The following XRCC4 variants were observed in gnomAD, a reference collection of about 807,000 sequenced individuals.
XRCC4 encodes X-ray repair cross complementing 4.
XRCC4 carries 28 observed loss-of-function variants against 39.1 expected under a neutral mutation model. That is an observed-to-expected ratio of 0.72 (90% CI 0.53 to 0.98). The LOEUF (loss-of-function observed/expected upper bound fraction) is 0.98. Ranked by LOEUF, XRCC4 falls within the 50% of genes least tolerant of loss-of-function variation. The pLI is 0.00. For synonymous variants in XRCC4, 123 were observed against 126.4 expected, an observed-to-expected ratio of 0.97 and a Z score of 0.18; for missense variants, 350 against 376.4, an observed-to-expected ratio of 0.93 and a Z score of 0.58.
At chr5:83,333,744 ATACTC>A (rs979567827) in intron 7 of XRCC4, among the ~76,000 whole-genome samples, 7 of 152,104 alleles carry the variant, frequency 4.6e-5, no homozygotes, top group Admixed American at 1.3e-4. Context: ...ATTTTACTAA[ATACTC>A]TATTCCTCCA....
intron 6 of XRCC4, among the ~76,000 whole-genome samples, chr5:83,226,710 A>G (rs987099172): frequency 6.6e-6 from 1 of 152,106 alleles, no homozygotes; most frequent in South Asian, 2.1e-4. Context: ...AGCTTTTTCT[A>G]TTCATTAAAT....
chr5:83,256,030 A>G (rs1470113608), intron 6 of XRCC4, among the ~76,000 whole-genome samples: 1 of 152,196 alleles, frequency 6.6e-6, no homozygotes, highest in Non-Finnish European at 1.5e-5. Context: ...CCCATATGTA[A>G]TATTCATCAA....
chr5:83,085,974 T>C (rs1047932350), intron 1 of XRCC4, among the ~76,000 whole-genome samples: 3 of 152,234 alleles, frequency 2.0e-5, no homozygotes, highest in African/African-American at 7.2e-5. Context: ...CACACAATCT[T>C]ACATTGTTTT....
intron 7 of XRCC4, among the ~76,000 whole-genome samples, chr5:83,286,937 G>A (rs1754755102): frequency 6.6e-6 from 1 of 152,052 alleles, no homozygotes; most frequent in Non-Finnish European, 1.5e-5. Flanking sequence ...AGAGTTGACG[G>A]TATCTGGTGA....
chr5:83,098,543 GT>G (rs1745782484), intron 1 of XRCC4, among the ~76,000 whole-genome samples: 1 of 151,908 alleles, frequency 6.6e-6, no homozygotes, highest in Non-Finnish European at 1.5e-5. Flanking sequence ...TACACTTAAT[GT>G]TTAGAAAAAA....
At chr5:83,087,469 C>T (rs1375523714) in intron 1 of XRCC4, among the ~76,000 whole-genome samples, 1 of 151,920 alleles carries the variant, frequency 6.6e-6, no homozygotes, top group East Asian at 1.9e-4. Flanking sequence ...TTGAGACCAG[C>T]ATGGCCAACA....
At chr5:83,137,582 A>G (rs1342773541) in intron 3 of XRCC4, among the ~76,000 whole-genome samples, 1 of 152,176 alleles carries the variant, frequency 6.6e-6, no homozygotes, top group African/African-American at 2.4e-5. Context: ...CTAGGTAGTG[A>G]TGAACCCTCC....
downstream of XRCC4, chr5:83,353,848 ATG>A: frequency 6.6e-6 from 1 of 152,320 alleles, no homozygotes; most frequent in South Asian, 2.1e-4. Flanking sequence ...ATTAATGTAA[ATG>A]TAACCCCCTG....
chr5:83,188,566 A>G (rs1002046351), intron 3 of XRCC4, among the ~76,000 whole-genome samples: 6 of 152,196 alleles, frequency 3.9e-5, no homozygotes, highest in Non-Finnish European at 8.8e-5. Context: ...ATGCCATACA[A>G]GAAGCATGGT....
intron 6 of XRCC4, among the ~76,000 whole-genome samples, chr5:83,253,916 GAGA>G (rs1262691519): frequency 2.0e-5 from 3 of 152,094 alleles, no homozygotes; most frequent in African/African-American, 4.8e-5. Context: ...TCTGTCAGAT[GAGA>G]AGAAGTGTGG....
At chr5:83,163,431 A>G (rs565033649) in intron 3 of XRCC4, among the ~76,000 whole-genome samples, 4 of 152,188 alleles carry the variant, frequency 2.6e-5, no homozygotes, top group Non-Finnish European at 4.4e-5. Flanking sequence ...CAGCATTGGG[A>G]AATTTAGGAA....
In XRCC4 at chr5:83,149,793, A is replaced by G. The variant is rs28360082; in HGVS notation, c.315+38590A>G. On this transcript the variant is annotated intron_variant, in intron 3 of 7. Transcript: ENST00000396027. ...ACATGTTGTTTCTCCCTATTAAGAT[A>G]ACAATTTGGTTGGTATACTCTGTTA... is the stretch of plus-strand genomic sequence containing the variant. 1.8e-3 allele frequency among the ~76,000 whole-genome samples: 270 copies of G among 152,234 alleles called. 1 individual carries two copies. The highest frequency in any genetic ancestry group is 6.3e-3 in the African/African-American group (261 of 41,556).
intron 7 of XRCC4, among the ~76,000 whole-genome samples, chr5:83,326,166 GGATA>G (rs1287494558): frequency 3.3e-5 from 5 of 152,154 alleles, no homozygotes; most frequent in African/African-American, 1.2e-4. Flanking sequence ...TTTGTCAAAT[GGATA>G]GATAGCAAAA....
chr5:83,260,558 G>A (rs112435316), intron 7 of XRCC4, among the ~76,000 whole-genome samples: 2,351 of 152,122 alleles, frequency 0.015, 67 homozygotes, highest in African/African-American at 0.053. Context: ...TGAACCAAAG[G>A]TAAGGTTTTA....
At chr5:83,262,773 C>G (rs10514252) in intron 7 of XRCC4, among the ~76,000 whole-genome samples, 8,488 of 149,886 alleles carry the variant, frequency 0.057, 869 homozygotes, top group East Asian at 0.48. Context: ...GATGCCAAAA[C>G]AACACACACA....
At chr5:83,204,741 T>C in intron 5 of XRCC4, 74 bp from the exon 6 acceptor site, 1 of 1,022,740 alleles carries the variant, frequency 9.8e-7, no homozygotes, top group South Asian at 1.7e-5. Flanking sequence ...TTTTCTATAA[T>C]TGCTTACTGA....
chr5:83,209,637 C>A (rs565339018), intron 6 of XRCC4, among the ~76,000 whole-genome samples: 13 of 151,976 alleles, frequency 8.6e-5, no homozygotes, highest in African/African-American at 3.1e-4. Flanking sequence ...TTAATTGGCT[C>A]CTAATTAGTT....
intron 3 of XRCC4, among the ~76,000 whole-genome samples, chr5:83,185,185 G>A (rs987249348): frequency 3.3e-5 from 5 of 151,922 alleles, no homozygotes; most frequent in Non-Finnish European, 7.4e-5. Context: ...TCTGAATGAA[G>A]AGTAAACGAT....
At chr5:83,174,164 C>T (rs1252909966) in intron 3 of XRCC4, among the ~76,000 whole-genome samples, 1 of 152,148 alleles carries the variant, frequency 6.6e-6, no homozygotes, top group African/African-American at 2.4e-5. Flanking sequence ...TAAAATTATA[C>T]TAATTTTTAA....
Sources: gnomAD v4.1 joint callset for allele counts (sites outside exome capture counted in the v4.1 genomes callset) on GRCh38, gnomAD v4.1.1 for gene constraint, MANE v1.5 for transcripts, NCBI Gene and HGNC (gene_info 2026-07-23, HGNC 2026-07-21) for gene names.